Variants in APPL2 observed in about 807,000 individuals in gnomAD.
APPL2 encodes the protein adaptor protein, phosphotyrosine interacting with PH domain and leucine zipper 2, also known as DCC-interacting protein 13-beta.
Under a neutral mutation model 92.7 loss-of-function variants are expected in APPL2, and 84 were observed. That is an observed-to-expected ratio of 0.91 (90% confidence interval 0.76 to 1.09). The LOEUF (loss-of-function observed/expected upper bound fraction) is 1.09, where lower values mean the gene tolerates loss of function less well. APPL2 is among the 50% of genes least tolerant of loss of function. APPL2 has a pLI of 0.00. For missense variants in APPL2, 736 were observed against 824.5 expected (o/e 0.89, Z 1.31); for synonymous variants, 291 against 291.0 (o/e 1.00, Z 0.00).
intron 3 of APPL2, 35 bp from the exon 4 acceptor site, chr12:105,217,175 T>G: frequency 6.8e-7 from 1 of 1,460,302 alleles, no homozygotes; most frequent in South Asian, 1.2e-5. Flanking sequence ...AGGTGTTAAG[T>G]GAATACTGGG....
At chr12:105,199,645 G>C (rs1887976747) in intron 9 of APPL2, 114 bp from the exon 10 acceptor site, 1 of 1,156,182 alleles carries the variant, frequency 8.6e-7, no homozygotes, top group East Asian at 2.5e-5. Context: ...TACAGATGGA[G>C]CTGCCAGCCT....
chr12:105,225,070 T>C (rs1403623109), intron 2 of APPL2, among the ~76,000 whole-genome samples: 1 of 151,606 alleles, frequency 6.6e-6, no homozygotes, highest in Non-Finnish European at 1.5e-5. Context: ...CATGTAACTG[T>C]TAAATTAAAC....
At position 105,199,539 on chromosome 12, in the gene APPL2, C is replaced by G; in HGVS notation, c.705-8G>C. The stretch of plus-strand genomic sequence containing the variant: ...TCCAGTTCTACCTGAATGCTTAAGA[C>G]AGAAGGTGTTGGGTCAGTTACTCAC... On this transcript the variant is annotated splice_region_variant and splice_polypyrimidine_tract_variant and intron_variant, in intron 9 of 20. Transcript: ENST00000258530. 1 of 1,612,624 alleles carries G rather than the reference C, an allele frequency of 6.2e-7. No homozygotes were observed. The highest frequency in any genetic ancestry group is 8.5e-7 in the Non-Finnish European group (1 of 1,179,386).
At chr12:105,205,323 C>G (rs541302840) in intron 8 of APPL2, among the ~76,000 whole-genome samples, 2 of 152,078 alleles carry the variant, frequency 1.3e-5, no homozygotes, top group Non-Finnish European at 2.9e-5. Context: ...AATCTGGATA[C>G]GAAAAATGAA....
chr12:105,179,347 T>A (rs1451433224), intron 17 of APPL2, among the ~76,000 whole-genome samples: 1 of 152,230 alleles, frequency 6.6e-6, no homozygotes, highest in Non-Finnish European at 1.5e-5. Flanking sequence ...TAGTATTCCT[T>A]GGTGTATATG....
chr12:105,179,297 C>G (rs2135891359), intron 17 of APPL2, among the ~76,000 whole-genome samples: 1 of 152,302 alleles, frequency 6.6e-6, no homozygotes, highest in Admixed American at 6.5e-5. Flanking sequence ...TCATCCATGT[C>G]CCTGCAAAGG....
chr12:105,184,523 T>C (rs1439769252), intron 17 of APPL2, among the ~76,000 whole-genome samples: 1 of 152,208 alleles, frequency 6.6e-6, no homozygotes. Flanking sequence ...CTTCTGCAGG[T>C]CTGCTGCAGT....
chr12:105,184,889 A>AGAT (rs1364314650), intron 17 of APPL2, among the ~76,000 whole-genome samples: 11 of 147,488 alleles, frequency 7.5e-5, no homozygotes, highest in African/African-American at 2.5e-4. Context: ...TGTCCCAGGG[A>AGAT]GATGGGAGTT....
At chr12:105,224,378 G>A (rs992049388) in intron 2 of APPL2, among the ~76,000 whole-genome samples, 1 of 152,248 alleles carries the variant, frequency 6.6e-6, no homozygotes, top group African/African-American at 2.4e-5. Flanking sequence ...TTACAAAGCT[G>A]TGGGCTGATA....
chr12:105,177,169 A>G (rs755223246), intron 18 of APPL2, 57 bp downstream of exon 18: 3 of 1,602,346 alleles, frequency 1.9e-6, no homozygotes, highest in Non-Finnish European at 2.6e-6. Context: ...TGTTTAAGGT[A>G]GATACAAAGG....
At chr12:105,195,695 A>C in intron 11 of APPL2, 68 bp from the exon 12 acceptor site, 1 of 1,562,380 alleles carries the variant, frequency 6.4e-7, no homozygotes, top group Non-Finnish European at 8.8e-7. Context: ...TCTCTACATA[A>C]ACTGAACTTA....
intron 20 of APPL2, 104 bp from the exon 21 acceptor site, chr12:105,174,552 C>G: frequency 3.1e-6 from 4 of 1,288,960 alleles, no homozygotes; most frequent in Non-Finnish European, 4.2e-6. Flanking sequence ...TCTTGTTTCT[C>G]CTGACTCTTG....
At chr12:105,198,779 C>T (rs1194991429) in intron 10 of APPL2, among the ~76,000 whole-genome samples, 1 of 152,238 alleles carries the variant, frequency 6.6e-6, no homozygotes, top group African/African-American at 2.4e-5. Flanking sequence ...CTCCATTTTA[C>T]AGATGAAGAG....
chr12:105,226,003 A>C (rs1189803456), intron 2 of APPL2, among the ~76,000 whole-genome samples: 4 of 152,202 alleles, frequency 2.6e-5, no homozygotes, highest in Admixed American at 6.5e-5. Flanking sequence ...TCTTGCGGAG[A>C]GTCTGTTTTT....
chr12:105,225,899 T>A (rs1299338573), intron 2 of APPL2, among the ~76,000 whole-genome samples: 1 of 152,256 alleles, frequency 6.6e-6, no homozygotes, highest in African/African-American at 2.4e-5. Flanking sequence ...TCCAGAAATA[T>A]ACCGTGTAGT....
At chr12:105,229,016 A>C in intron 2 of APPL2, 109 bp downstream of exon 2, 1 of 954,374 alleles carries the variant, frequency 1.0e-6, no homozygotes, top group Non-Finnish European at 1.6e-6. Context: ...TTGTTTCAAA[A>C]TCTTAAATGA....
At chr12:105,207,265 A>C in intron 7 of APPL2, 58 bp from the exon 8 acceptor site, 19 of 1,520,430 alleles carry the variant, frequency 1.2e-5, no homozygotes, top group Non-Finnish European at 1.6e-5. Context: ...CAATTCTGTA[A>C]AAGCGTGTGC....
At position 105,188,312 on chromosome 12, in the gene APPL2, AT is replaced by A. The variant is rs1281767610; in HGVS notation, c.1594del (p.Met532Ter). The A allele has an allele frequency of 6.2e-7, 1 of 1,614,104 alleles. No homozygotes were observed. The highest frequency in any genetic ancestry group is 8.5e-7 in the Non-Finnish European group (1 of 1,180,036). On this transcript the variant is annotated frameshift_variant, in exon 17 of 21. Transcript: ENST00000258530. LOFTEE classifies it high-confidence loss of function. ...GGTGACCATCAGATGGGATTCTGTC[AT>A]GCGGAAGATGTTATGAATAGCCCGA... Reference protein sequence around the residue: ...AARAIHNIFRMTESHLMVTSQ... With the variant: ...AARAIHNIFRXTESHLMVTSQ...
chr12:105,233,955 C>T (rs548148451), intron 1 of APPL2, among the ~76,000 whole-genome samples: 1 of 152,254 alleles, frequency 6.6e-6, no homozygotes, highest in South Asian at 2.1e-4. Flanking sequence ...TAGATTCCTT[C>T]CAGTTCCAAG....
Sources: allele counts gnomAD v4.1 joint callset (sites outside exome capture counted in the v4.1 genomes callset), GRCh38; gene constraint gnomAD v4.1.1; transcripts MANE v1.5; gene names NCBI Gene and HGNC (gene_info 2026-07-23, HGNC 2026-07-21).